PTK2: variants seen among roughly 807,000 people sequenced by gnomAD.
The protein encoded by PTK2 is protein tyrosine kinase 2.
PTK2 carries 45 observed loss-of-function variants against 150.1 expected under a neutral mutation model. The observed-to-expected ratio is 0.30, with a 90% CI of 0.24 to 0.38. The LOEUF is 0.38. Ranked by LOEUF, PTK2 falls within the 10% of genes least tolerant of loss-of-function variation. PTK2 has a pLI of 1.00. For missense variants in PTK2, 919 were observed against 1,307.3 expected, an observed-to-expected ratio of 0.70 and a Z score of 4.58; for synonymous variants, 432 against 449.2, an observed-to-expected ratio of 0.96 and a Z score of 0.48.
At chr8:140,758,589 G>T (rs1037668286) in intron 16 of PTK2, among the ~76,000 whole-genome samples, 5 of 152,094 alleles carry the variant, frequency 3.3e-5, no homozygotes, top group Non-Finnish European at 5.9e-5. Flanking sequence ...TCTCAACACT[G>T]TGTAGGCCTA....
intron 1 of PTK2, among the ~76,000 whole-genome samples, chr8:140,929,408 G>A (rs997917873): frequency 2.6e-5 from 4 of 152,120 alleles, no homozygotes; most frequent in Non-Finnish European, 4.4e-5. Context: ...AGTCTAAAGC[G>A]AAAGAGACAG....
At chr8:140,759,462 A>T (rs889709972) in intron 16 of PTK2, among the ~76,000 whole-genome samples, 2 of 133,200 alleles carry the variant, frequency 1.5e-5, no homozygotes, top group Admixed American at 1.7e-4. Flanking sequence ...TGAGCCTGGG[A>T]GGTTGAGGCT....
At chr8:140,666,255 T>A (rs2091505239) in intron 30 of PTK2, among the ~76,000 whole-genome samples, 1 of 152,122 alleles carries the variant, frequency 6.6e-6, no homozygotes, top group Non-Finnish European at 1.5e-5. Context: ...GCAGAATTGC[T>A]TGAACCTGGG....
intron 3 of PTK2, among the ~76,000 whole-genome samples, chr8:140,883,777 C>T (rs2100150637): frequency 6.6e-6 from 1 of 151,918 alleles, no homozygotes; most frequent in Admixed American, 6.6e-5. Flanking sequence ...GGTCCACAGT[C>T]ACTGTATTAG....
chr8:140,876,171 G>C (rs898737593), intron 4 of PTK2, among the ~76,000 whole-genome samples: 1 of 151,988 alleles, frequency 6.6e-6, no homozygotes, highest in Non-Finnish European at 1.5e-5. Flanking sequence ...TGGGGCCAAT[G>C]CATATTTAGA....
chr8:140,899,662 G>A (rs1417966331), intron 2 of PTK2, among the ~76,000 whole-genome samples: 1 of 151,982 alleles, frequency 6.6e-6, no homozygotes, highest in African/African-American at 2.4e-5. Context: ...GAAAACTACA[G>A]GCCAATATCA....
intron 2 of PTK2, chr8:140,892,625 C>A: frequency 2.2e-6 from 1 of 448,628 alleles, no homozygotes; most frequent in Non-Finnish European, 4.4e-6. Context: ...CCAAATCATT[C>A]TCCAATTAGT....
intron 27 of PTK2, among the ~76,000 whole-genome samples, chr8:140,686,177 G>A (rs2100019675): frequency 6.6e-6 from 1 of 152,102 alleles, no homozygotes; most frequent in African/African-American, 2.4e-5. Flanking sequence ...TTATAAAGGG[G>A]AGCTAAACAC....
intron 1 of PTK2, among the ~76,000 whole-genome samples, chr8:140,999,676 T>C (rs1285857389): frequency 2.0e-5 from 3 of 152,240 alleles, no homozygotes; most frequent in Admixed American, 6.5e-5. Context: ...GCACTGCTCA[T>C]AAGTTTTCAA....
At position 140,714,771 on chromosome 8, in the gene PTK2, C is replaced by G. The variant is rs1408691407; in HGVS notation, c.2142+2827G>C. On this transcript the variant is annotated intron_variant, in intron 23 of 31. Coordinates refer to ENST00000522684, the Ensembl canonical transcript of PTK2. ...AAGATTGCGCCACTGCACTCCAGCC[C>G]GGGCAATAGAGCAAGGCTCTGTCTC... Among the ~76,000 whole-genome samples the G allele has an allele frequency of 2.7e-5, 3 of 111,054 alleles. No individual in the cohort carries two copies. The South Asian group carries it at 9.2e-4, about 34-fold the overall frequency. 72.9% of individuals were successfully genotyped at this position (111,054 alleles called of 152,430 possible). A position where few individuals can be genotyped will look rare whatever the true frequency, so the allele number is the denominator to read the frequency against.
intron 14 of PTK2, among the ~76,000 whole-genome samples, chr8:140,768,625 TG>T (rs1265843864): frequency 2.0e-5 from 3 of 152,192 alleles, no homozygotes; most frequent in African/African-American, 7.2e-5. Flanking sequence ...TTTCCTCACC[TG>T]CAAAACAGTG....
chr8:140,867,533 T>C (rs1280542795), intron 4 of PTK2, among the ~76,000 whole-genome samples: 4 of 152,186 alleles, frequency 2.6e-5, no homozygotes, highest in African/African-American at 9.7e-5. Flanking sequence ...ACAAGGCCTT[T>C]AGATCATGTT....
At chr8:140,828,952 A>G (rs1002430868) in intron 8 of PTK2, among the ~76,000 whole-genome samples, 1 of 152,180 alleles carries the variant, frequency 6.6e-6, no homozygotes, top group African/African-American at 2.4e-5. Context: ...AATCTGACTC[A>G]ACCCACTCAT....
At chr8:140,737,877 G>A (rs576068568) in intron 21 of PTK2, among the ~76,000 whole-genome samples, 94 of 152,166 alleles carry the variant, frequency 6.2e-4, no homozygotes, top group Non-Finnish European at 1.1e-3. Context: ...CTTGGGATTT[G>A]AACACACATC....
intron 22 of PTK2, among the ~76,000 whole-genome samples, chr8:140,728,414 G>C (rs1346368119): frequency 1.3e-5 from 2 of 152,086 alleles, no homozygotes; most frequent in Non-Finnish European, 2.9e-5. Context: ...AAGATCACCA[G>C]GTCCCTTCTG....
At chr8:140,816,428 A>C (rs1264481336) in intron 10 of PTK2, among the ~76,000 whole-genome samples, 1 of 152,226 alleles carries the variant, frequency 6.6e-6, no homozygotes, top group African/African-American at 2.4e-5. Flanking sequence ...GCAGCATTTA[A>C]TGAGATTTAA....
At chr8:140,924,839 C>T (rs10103265) in intron 2 of PTK2, among the ~76,000 whole-genome samples, 63,465 of 151,906 alleles carry the variant, frequency 0.42, 15,177 homozygotes, top group Non-Finnish European at 0.55. Context: ...AAACTTTCAC[C>T]GCAAATTTTA....
intron 27 of PTK2, among the ~76,000 whole-genome samples, chr8:140,681,709 G>A (rs2100017075): frequency 1.3e-5 from 2 of 151,098 alleles, no homozygotes; most frequent in South Asian, 4.2e-4. Context: ...CCCGGGAGGT[G>A]GAGCTTGCCG....
intron 8 of PTK2, 99 bp from the exon 9 acceptor site, chr8:140,819,119 C>G: frequency 8.5e-7 from 1 of 1,177,258 alleles, no homozygotes; most frequent in Non-Finnish European, 1.2e-6. Context: ...TACTTACTAA[C>G]ACCTACATTC....
Sources: gnomAD v4.1 joint callset for allele counts (sites outside exome capture counted in the v4.1 genomes callset) on GRCh38, gnomAD v4.1.1 for gene constraint, MANE v1.5 for transcripts, NCBI Gene and HGNC (gene_info 2026-07-23, HGNC 2026-07-21) for gene names.